The following KCNIP1 variants were observed in gnomAD, a reference collection of about 807,000 sequenced individuals.
The protein encoded by KCNIP1 is A-type potassium channel modulatory protein KCNIP1.
A neutral mutation model predicts 33.0 loss-of-function variants in KCNIP1; 18 were observed. That is an observed-to-expected ratio of 0.55 (90% confidence interval 0.38 to 0.81). KCNIP1 has a LOEUF of 0.81. Ranked by LOEUF, KCNIP1 falls within the 30% of genes least tolerant of loss-of-function variation. The pLI is 0.00. For synonymous variants in KCNIP1, 93 were observed against 98.3 expected (o/e 0.95, Z 0.32); for missense variants, 238 against 271.6 (o/e 0.88, Z 0.87).
intron 1 of KCNIP1, among the ~76,000 whole-genome samples, chr5:170,385,082 G>A (rs1331173540): frequency 2.6e-5 from 4 of 152,130 alleles, no homozygotes; most frequent in Admixed American, 6.5e-5. Flanking sequence ...TTACCACCAC[G>A]TCCTAGATCA....
At chr5:170,714,979 C>T (rs1225698632) in intron 1 of KCNIP1, among the ~76,000 whole-genome samples, 1 of 152,160 alleles carries the variant, frequency 6.6e-6, no homozygotes, top group Non-Finnish European at 1.5e-5. Context: ...CCTTCACACT[C>T]ACTCACCATC....
chr5:170,544,354 TTTAACATGTACTATTACATG>T (rs1209759544), intron 1 of KCNIP1, among the ~76,000 whole-genome samples: 7 of 152,156 alleles, frequency 4.6e-5, no homozygotes, highest in Non-Finnish European at 8.8e-5. Context: ...CCCTTGATAT[TTTAACATGTACTATTACATG>T]TTAACATGTA....
At chr5:170,457,303 A>C (rs1471931803) in intron 1 of KCNIP1, among the ~76,000 whole-genome samples, 3 of 152,252 alleles carry the variant, frequency 2.0e-5, no homozygotes, top group African/African-American at 7.2e-5. Flanking sequence ...ACAGGGCAGC[A>C]AAACTGCAGG....
At chr5:170,643,201 G>T (rs190047127) in intron 1 of KCNIP1, among the ~76,000 whole-genome samples, 1 of 152,252 alleles carries the variant, frequency 6.6e-6, no homozygotes, top group East Asian at 1.9e-4. Context: ...GAGCCAAGGC[G>T]TCCAGGTGGC....
chr5:170,517,138 G>C (rs1051877620), intron 1 of KCNIP1, among the ~76,000 whole-genome samples: 3 of 152,182 alleles, frequency 2.0e-5, no homozygotes, highest in Admixed American at 2.0e-4. Flanking sequence ...TTTCCAGGAG[G>C]CATGGCTGGG....
chr5:170,677,961 A>G (rs983324298), intron 1 of KCNIP1, among the ~76,000 whole-genome samples: 1 of 152,248 alleles, frequency 6.6e-6, no homozygotes, highest in South Asian at 2.1e-4. Flanking sequence ...GCAGGCTCAC[A>G]TCTCCAATAC....
At chr5:170,673,033 G>A (rs1334761568) in intron 1 of KCNIP1, among the ~76,000 whole-genome samples, 2 of 152,224 alleles carry the variant, frequency 1.3e-5, no homozygotes, top group Non-Finnish European at 2.9e-5. Flanking sequence ...TATTATAGCA[G>A]GTCCCCAGGC....
chr5:170,556,128 C>T (rs1165067468), intron 1 of KCNIP1, among the ~76,000 whole-genome samples: 1 of 152,228 alleles, frequency 6.6e-6, no homozygotes, highest in East Asian at 1.9e-4. Context: ...ACATTTCATT[C>T]TCAAGATCCT....
At chr5:170,556,191 T>TA (rs1756841031) in intron 1 of KCNIP1, among the ~76,000 whole-genome samples, 1 of 152,218 alleles carries the variant, frequency 6.6e-6, no homozygotes, top group African/African-American at 2.4e-5. Flanking sequence ...TGTGGTTCAT[T>TA]AAACCACATC....
chr5:170,729,605 T>A (rs1040508895), intron 5 of KCNIP1, among the ~76,000 whole-genome samples: 2 of 151,974 alleles, frequency 1.3e-5, no homozygotes, highest in African/African-American at 2.4e-5. Flanking sequence ...AAATAGTTCA[T>A]GGGAAAATAA....
At chr5:170,569,835 G>A (rs1581339181) in intron 1 of KCNIP1, among the ~76,000 whole-genome samples, 1 of 152,218 alleles carries the variant, frequency 6.6e-6, no homozygotes, top group South Asian at 2.1e-4. Flanking sequence ...TTTCCATCCA[G>A]ACAAAGAAGT....
chr5:170,604,414 C>T (rs762740672), intron 1 of KCNIP1, among the ~76,000 whole-genome samples: 4 of 152,038 alleles, frequency 2.6e-5, no homozygotes, highest in Non-Finnish European at 4.4e-5. Context: ...GGGCGGGGAT[C>T]GGAGGAACAG....
Position 170,361,761 on chromosome 5 carries a change from G to A in KCNIP1, c.88+7797G>A, listed in dbSNP as rs1002342673. ...ACAGCATCTCCTGCTGTATTCTGACGTGGAGGAAAGAGAGTAAGCTAGCTC... is the reference window on the plus strand; with the variant it reads ...ACAGCATCTCCTGCTGTATTCTGACATGGAGGAAAGAGAGTAAGCTAGCTC... On this transcript the variant is annotated intron_variant, in intron 1 of 7. Coordinates refer to the KCNIP1 transcript ENST00000377360. 5.3e-5 allele frequency among the ~76,000 whole-genome samples: 8 copies of A among 152,164 alleles called. No homozygotes were observed. The East Asian group carries it at 7.7e-4, about 15-fold the overall frequency.
intron 1 of KCNIP1, chr5:170,681,348 G>A (rs1762338789): frequency 2.6e-6 from 1 of 379,722 alleles, no homozygotes; most frequent in Non-Finnish European, 4.7e-6. Context: ...TCGCGCCCCA[G>A]TGCTGCGCTG....
chr5:170,577,042 A>T (rs1020976795), intron 1 of KCNIP1, among the ~76,000 whole-genome samples: 18 of 152,126 alleles, frequency 1.2e-4, no homozygotes, highest in African/African-American at 4.3e-4. Flanking sequence ...GGGTTGATTG[A>T]AGTGAAGGGT....
intron 1 of KCNIP1, among the ~76,000 whole-genome samples, chr5:170,595,203 T>C (rs947477687): frequency 1.1e-4 from 17 of 151,758 alleles, no homozygotes; most frequent in African/African-American, 3.9e-4. Context: ...AGGAGTGGGG[T>C]GGGGTTTAAA....
intron 1 of KCNIP1, among the ~76,000 whole-genome samples, chr5:170,629,316 C>T (rs1464278925): frequency 3.3e-5 from 5 of 152,266 alleles, no homozygotes; most frequent in African/African-American, 7.2e-5. Flanking sequence ...CAAGGTCCTA[C>T]GTCAAGGTTA....
At chr5:170,440,511 G>A (rs1412697559) in intron 1 of KCNIP1, among the ~76,000 whole-genome samples, 6 of 152,186 alleles carry the variant, frequency 3.9e-5, no homozygotes, top group African/African-American at 4.8e-5. Flanking sequence ...CCCAGGGGAG[G>A]GCCCTTGCCT....
intron 1 of KCNIP1, among the ~76,000 whole-genome samples, chr5:170,397,763 G>A (rs1754798821): frequency 6.6e-6 from 1 of 152,188 alleles, no homozygotes. Context: ...GCCCTCAGGA[G>A]ACCTTGAGAA....
Sources: gnomAD v4.1 joint callset for allele counts (sites outside exome capture counted in the v4.1 genomes callset) on GRCh38, gnomAD v4.1.1 for gene constraint, MANE v1.5 for transcripts, NCBI Gene and HGNC (gene_info 2026-07-23, HGNC 2026-07-21) for gene names.